Variants in DIS3L2 observed in about 807,000 individuals in gnomAD.
The protein encoded by DIS3L2 is DIS3 like 3'-5' exoribonuclease 2, also known as DIS3-like exonuclease 2.
In DIS3L2, 34 loss-of-function variants were observed where a neutral mutation model predicts 97.5. The observed-to-expected ratio is 0.35, with a 90% CI of 0.27 to 0.46. The LOEUF (loss-of-function observed/expected upper bound fraction) is 0.46. Ranked by LOEUF, DIS3L2 falls within the 20% of genes least tolerant of loss-of-function variation. The pLI, the probability that DIS3L2 is intolerant of heterozygous loss-of-function variation, is 1.00. For missense variants in DIS3L2, 1,038 were observed against 1,146.0 expected (o/e 0.91, Z 1.36); for synonymous variants, 435 against 445.2 (o/e 0.98, Z 0.29).
intron 5 of DIS3L2, 73 bp downstream of exon 5, chr2:232,030,153 A>C: frequency 7.5e-7 from 1 of 1,334,858 alleles, no homozygotes; most frequent in Non-Finnish European, 1.1e-6. Context: ...CCAACAAGGC[A>C]TCATAAACTG....
chr2:232,337,643 C>T (rs1040683710), downstream of DIS3L2, among the ~76,000 whole-genome samples: 5 of 152,108 alleles, frequency 3.3e-5, no homozygotes, highest in South Asian at 2.1e-4. Flanking sequence ...TTGGCGTCCC[C>T]GAGAGCTGCC....
intron 14 of DIS3L2, among the ~76,000 whole-genome samples, chr2:232,304,171 TTTTC>T (rs1694931043): frequency 6.6e-6 from 1 of 151,952 alleles, no homozygotes; most frequent in Non-Finnish European, 1.5e-5. Flanking sequence ...GGTTTTTTTT[TTTTC>T]TCTGTTGCAG....
chr2:232,219,019 C>T (rs1332096133), intron 10 of DIS3L2, among the ~76,000 whole-genome samples: 1 of 152,186 alleles, frequency 6.6e-6, no homozygotes, highest in Non-Finnish European at 1.5e-5. Flanking sequence ...TCTCCTGTGC[C>T]CTTTCCTGCC....
intron 5 of DIS3L2, among the ~76,000 whole-genome samples, chr2:232,061,274 C>T (rs1425362349): frequency 6.6e-6 from 1 of 152,184 alleles, no homozygotes; most frequent in Non-Finnish European, 1.5e-5. Context: ...TCTTTTGTCT[C>T]TTTTTCCTAG....
At chr2:232,205,621 G>A (rs985628470) in intron 9 of DIS3L2, among the ~76,000 whole-genome samples, 2 of 151,960 alleles carry the variant, frequency 1.3e-5, no homozygotes, top group Non-Finnish European at 2.9e-5. Flanking sequence ...TTAAAAATTA[G>A]GAAATGAGGT....
chr2:232,339,858 C>G (rs1473125152), downstream of DIS3L2: 1 of 380,320 alleles, frequency 2.6e-6, no homozygotes, highest in Non-Finnish European at 5.4e-6. Context: ...CCAGAATGGA[C>G]CAGGAGGTCC....
At chr2:232,073,032 T>C (rs1042933374) in intron 5 of DIS3L2, among the ~76,000 whole-genome samples, 1 of 152,158 alleles carries the variant, frequency 6.6e-6, no homozygotes, top group Non-Finnish European at 1.5e-5. Context: ...TGAAAATGTC[T>C]GTAAATATGT....
chr2:231,985,641 C>T (rs7559465), intron 1 of DIS3L2, among the ~76,000 whole-genome samples: 1 of 152,186 alleles, frequency 6.6e-6, no homozygotes, highest in Non-Finnish European at 1.5e-5. Flanking sequence ...CTTATTATTT[C>T]CTTCCTTTCT....
chr2:231,980,937 T>C (rs1452252131), intron 1 of DIS3L2, among the ~76,000 whole-genome samples: 1 of 152,156 alleles, frequency 6.6e-6, no homozygotes, highest in Non-Finnish European at 1.5e-5. Flanking sequence ...GCCTGGCTAA[T>C]TTTTAAATTT....
At chr2:232,153,756 A>G (rs1308966944) in intron 8 of DIS3L2, among the ~76,000 whole-genome samples, 1 of 150,688 alleles carries the variant, frequency 6.6e-6, no homozygotes, top group Non-Finnish European at 1.5e-5. Context: ...TTGCCTTGCT[A>G]GATTGGGGAA....
intron 5 of DIS3L2, among the ~76,000 whole-genome samples, chr2:232,076,283 G>A (rs1278869354): frequency 6.6e-6 from 1 of 152,134 alleles, no homozygotes; most frequent in Non-Finnish European, 1.5e-5. Flanking sequence ...TCAGAATCCT[G>A]AAGGAGACAG....
intron 5 of DIS3L2, among the ~76,000 whole-genome samples, chr2:232,077,955 C>CTTTCTTTCTTTCTTTCTT (rs1553605268): frequency 9.2e-6 from 1 of 108,772 alleles, no homozygotes; most frequent in Non-Finnish European, 1.8e-5. Flanking sequence ...TTCTTTCTTT[C>CTTTCTTTCTTTCTTTCTT]TCTTTCTTTC....
intron 14 of DIS3L2, among the ~76,000 whole-genome samples, chr2:232,323,170 G>A (rs1351179896): frequency 6.6e-6 from 1 of 152,246 alleles, no homozygotes; most frequent in South Asian, 2.1e-4. Context: ...TAATGACCAC[G>A]CTCTGCAAGA....
At chr2:232,274,287 A>G (rs1171819074) in intron 13 of DIS3L2, among the ~76,000 whole-genome samples, 1 of 152,160 alleles carries the variant, frequency 6.6e-6, no homozygotes, top group African/African-American at 2.4e-5. Context: ...TTGGGTAATT[A>G]TACTCATAAT....
intron 13 of DIS3L2, among the ~76,000 whole-genome samples, chr2:232,296,835 A>G (rs1465415043): frequency 6.6e-6 from 1 of 152,206 alleles, no homozygotes; most frequent in Non-Finnish European, 1.5e-5. Context: ...CATTTAGTAA[A>G]CATGACTGCT....
At chr2:232,212,754 A>C (rs941219967) in intron 10 of DIS3L2, among the ~76,000 whole-genome samples, 3 of 152,178 alleles carry the variant, frequency 2.0e-5, no homozygotes, top group African/African-American at 7.2e-5. Flanking sequence ...GAAATATTGC[A>C]ATAGTTGTGG....
At chr2:232,329,787 C>CCGGGGGGGA in intron 14 of DIS3L2, 26 bp from the exon 15 acceptor site, 3 of 1,062,208 alleles carry the variant, frequency 2.8e-6, no homozygotes, top group East Asian at 3.0e-5. Context: ...CCCAGCGGTC[C>CCGGGGGGGA]CTCCCATCCC....
intron 12 of DIS3L2, among the ~76,000 whole-genome samples, chr2:232,250,448 C>G (rs2101435): frequency 0.22 from 33,244 of 151,470 alleles, 4,379 homozygotes; most frequent in South Asian, 0.47. Flanking sequence ...ACTGACTTAG[C>G]AGTCCTGAGA....
chr2:232,341,886 ACT>A (rs756295647), downstream of DIS3L2, among the ~76,000 whole-genome samples: 10 of 151,988 alleles, frequency 6.6e-5, no homozygotes, highest in South Asian at 4.2e-4. Context: ...GGAGGGGCCC[ACT>A]CTCAGCCCAC....
Sources: allele counts gnomAD v4.1 joint callset (sites outside exome capture counted in the v4.1 genomes callset), GRCh38; gene constraint gnomAD v4.1.1; transcripts MANE v1.5; gene names NCBI Gene and HGNC (gene_info 2026-07-23, HGNC 2026-07-21).